The following TOGARAM2 variants were observed in gnomAD, a reference collection of about 807,000 sequenced individuals.
TOGARAM2 encodes TOG array regulator of axonemal microtubules 2.
TOGARAM2 carries 85 observed loss-of-function variants against 93.3 expected under a neutral mutation model. That is an observed-to-expected ratio of 0.91 (90% confidence interval 0.76 to 1.09). TOGARAM2 has a LOEUF of 1.09. Ranked by LOEUF, TOGARAM2 falls within the 50% of genes least tolerant of loss-of-function variation. The probability of loss-of-function intolerance (pLI) is 0.00; values close to 1 mark genes in which losing one functional copy is unlikely to be tolerated. For missense variants in TOGARAM2, 1,277 were observed against 1,334.5 expected (o/e 0.96, Z 0.67); for synonymous variants, 593 against 552.8 (o/e 1.07, Z -1.02).
chr2:29,046,296 CT>C (rs1438060362), intron 19 of TOGARAM2: 2 of 152,276 alleles, frequency 1.3e-5, no homozygotes, highest in African/African-American at 4.8e-5. Context: ...AGGACACAGG[CT>C]TTGGTGTCCA....
chr2:29,000,325 G>T (rs1205257409), intron 4 of TOGARAM2, among the ~76,000 whole-genome samples: 1 of 152,068 alleles, frequency 6.6e-6, no homozygotes, highest in East Asian at 1.9e-4. Flanking sequence ...GACAAGCCAA[G>T]TTCAAATCTT....
intron 6 of TOGARAM2, among the ~76,000 whole-genome samples, chr2:29,007,626 C>T (rs541086444): frequency 1.3e-5 from 2 of 152,252 alleles, no homozygotes; most frequent in African/African-American, 2.4e-5. Flanking sequence ...CTGCTTCCCC[C>T]GCCACCTTGC....
chr2:29,038,238 T>C (rs970782516), intron 18 of TOGARAM2, among the ~76,000 whole-genome samples: 7 of 152,166 alleles, frequency 4.6e-5, no homozygotes, highest in Admixed American at 4.6e-4. Context: ...GGAAGATGCC[T>C]ATGTTCTCCC....
intron 10 of TOGARAM2, 104 bp from the exon 11 acceptor site, chr2:29,022,054 G>A: frequency 1.3e-6 from 2 of 1,488,498 alleles, no homozygotes; most frequent in East Asian, 2.3e-5. Context: ...GGTGGGCTCA[G>A]GGTGGTGGCA....
At chr2:29,012,481 C>T (rs892312782) in intron 7 of TOGARAM2, among the ~76,000 whole-genome samples, 1 of 152,166 alleles carries the variant, frequency 6.6e-6, no homozygotes, top group African/African-American at 2.4e-5. Context: ...TGCACCGGCA[C>T]CCTGAGTGAC....
chr2:29,032,553 A>C (rs1665831722), intron 14 of TOGARAM2, among the ~76,000 whole-genome samples: 1 of 152,248 alleles, frequency 6.6e-6, no homozygotes. Flanking sequence ...TGGTATAGCC[A>C]TTCAACGGAA....
In TOGARAM2 at chr2:29,002,571, C is replaced by A; in HGVS notation, c.463C>A (p.Pro155Thr). Residue 155 changes from proline (P) to threonine (T), a missense_variant, in exon 5 of 20, where the codon CCC (proline) becomes ACC (threonine). By Grantham distance (38) the Pro-to-Thr change is conservative. Transcript: ENST00000379558. Reference protein sequence around the residue: ...LDPGGGPQGVPLHSTIPRATS... With the variant: ...LDPGGGPQGVTLHSTIPRATS... ...TCCAGGGGGAGGCCCCCAAGGAGTT[C>A]CCCTGCACAGCACCATCCCCCGAGC... 2 of 1,613,960 alleles carry A rather than the reference C, an allele frequency of 1.2e-6. No homozygotes were observed. The highest frequency in any genetic ancestry group is 2.2e-5 in the South Asian group (2 of 91,074).
At chr2:28,961,629 C>T (rs1478748784) in intron 1 of TOGARAM2, among the ~76,000 whole-genome samples, 1 of 152,236 alleles carries the variant, frequency 6.6e-6, no homozygotes, top group Non-Finnish European at 1.5e-5. Context: ...GCATGAGCCA[C>T]TGCACCCGGC....
intron 4 of TOGARAM2, among the ~76,000 whole-genome samples, chr2:29,001,192 C>T (rs998446449): frequency 6.6e-6 from 1 of 152,130 alleles, no homozygotes; most frequent in African/African-American, 2.4e-5. Flanking sequence ...CTCCACTTGA[C>T]CACACCCCTT....
intron 7 of TOGARAM2, among the ~76,000 whole-genome samples, chr2:29,014,135 C>T (rs1403424234): frequency 2.0e-5 from 3 of 152,310 alleles, no homozygotes; most frequent in Non-Finnish European, 2.9e-5. Context: ...CCCTGTTTCC[C>T]GCCCAGCCTC....
At chr2:28,967,824 A>G (rs201064942) in intron 1 of TOGARAM2, among the ~76,000 whole-genome samples, 1 of 16,226 alleles carries the variant, frequency 6.2e-5, no homozygotes, top group African/African-American at 2.6e-4. Context: ...TTTTTTTTTT[A>G]GATGGAGTCT....
intron 14 of TOGARAM2, among the ~76,000 whole-genome samples, chr2:29,031,783 T>A (rs534289711): frequency 6.6e-6 from 1 of 152,254 alleles, no homozygotes; most frequent in Non-Finnish European, 1.5e-5. Context: ...CATGGGGCAG[T>A]GTCATTGGAG....
chr2:28,959,583 C>G (rs991521618), intron 1 of TOGARAM2, among the ~76,000 whole-genome samples: 6 of 152,146 alleles, frequency 3.9e-5, no homozygotes, highest in Non-Finnish European at 8.8e-5. Flanking sequence ...GAAACCCCAT[C>G]TCTACTAAAA....
At chr2:29,016,927 T>A (rs1268486725) in intron 8 of TOGARAM2, among the ~76,000 whole-genome samples, 2 of 152,220 alleles carry the variant, frequency 1.3e-5, no homozygotes, top group African/African-American at 4.8e-5. Flanking sequence ...AAAGCCACTA[T>A]CATCTCTGTC....
chr2:29,041,889 T>G (rs548529590), intron 18 of TOGARAM2, among the ~76,000 whole-genome samples: 3 of 152,338 alleles, frequency 2.0e-5, no homozygotes, highest in Admixed American at 2.0e-4. Context: ...AAGGTAATAA[T>G]AGTAACAATA....
intron 13 of TOGARAM2, among the ~76,000 whole-genome samples, chr2:29,026,226 T>C (rs1217046519): frequency 1.3e-5 from 2 of 152,228 alleles, no homozygotes; most frequent in South Asian, 4.1e-4. Context: ...TCTCTGTACA[T>C]TCAGGCCTTT....
chr2:28,979,243 T>G (rs148856860), upstream of TOGARAM2, among the ~76,000 whole-genome samples: 110 of 152,258 alleles, frequency 7.2e-4, no homozygotes, highest in African/African-American at 2.4e-3. Context: ...GGGGATTTCA[T>G]GTGGATGTCA....
At chr2:29,024,090 G>C in intron 12 of TOGARAM2, 49 bp from the exon 13 acceptor site, 1 of 1,492,972 alleles carries the variant, frequency 6.7e-7, no homozygotes, top group Non-Finnish European at 9.1e-7. Flanking sequence ...GCGTCCCAGA[G>C]CCCTTGGCAG....
chr2:29,024,043 G>A, intron 12 of TOGARAM2, 96 bp from the exon 13 acceptor site: 4 of 1,036,848 alleles, frequency 3.9e-6, no homozygotes, highest in Non-Finnish European at 5.7e-6. Context: ...GAAGGGTGGG[G>A]GTGGAGGAAG....
Sources: gnomAD v4.1 joint callset for allele counts (sites outside exome capture counted in the v4.1 genomes callset) on GRCh38, gnomAD v4.1.1 for gene constraint, MANE v1.5 for transcripts, NCBI Gene and HGNC (gene_info 2026-07-23, HGNC 2026-07-21) for gene names.